SLC5A11: variants seen among roughly 807,000 people sequenced by gnomAD.
SLC5A11 encodes the protein solute carrier family 5 member 11.
A neutral mutation model predicts 69.8 loss-of-function variants in SLC5A11; 48 were observed. That is an observed-to-expected ratio of 0.69 (90% CI 0.55 to 0.87). The LOEUF (loss-of-function observed/expected upper bound fraction) is 0.87, where lower values mean the gene tolerates loss of function less well. Ranked by LOEUF, SLC5A11 falls within the 40% of genes least tolerant of loss-of-function variation. The probability of loss-of-function intolerance (pLI) is 0.00; values close to 1 mark genes in which losing one functional copy is unlikely to be tolerated. For missense variants in SLC5A11, 784 were observed against 866.1 expected (o/e 0.91, Z 1.19); for synonymous variants, 319 against 342.4 (o/e 0.93, Z 0.75).
At chr16:24,901,958 GCACACACACACACACA>G (rs56126191) in intron 10 of SLC5A11, among the ~76,000 whole-genome samples, 56 of 136,642 alleles carry the variant, frequency 4.1e-4, no homozygotes, top group South Asian at 1.8e-3. Flanking sequence ...ACACACACAC[GCACACACACACACACA>G]CACACACATA....
In SLC5A11 at chr16:24,881,351, A is replaced by G. The variant is rs899085171; in HGVS notation, c.584-2700A>G. Among the ~76,000 whole-genome samples the G allele has an allele frequency of 2.6e-5, 4 of 151,918 alleles. No homozygotes were observed. The East Asian group carries it at 5.8e-4, about 22-fold the overall frequency. On this transcript the variant is annotated intron_variant, in intron 7 of 15. Coordinates refer to ENST00000347898, the Ensembl canonical transcript of SLC5A11. ...GCCCAGGCTGGAGTGCAATGGTGCA[A>G]TCTTGGCACACTGCAACCTCCATCT...
exon 14 of SLC5A11, chr16:24,909,082 C>T (rs376258271): frequency 1.2e-6 from 2 of 1,614,114 alleles, no homozygotes; most frequent in Non-Finnish European, 1.7e-6. Flanking sequence ...CACAGAGCCA[C>T]CCTCCAAGGA....
chr16:24,880,769 G>C (rs1045426939), intron 7 of SLC5A11, among the ~76,000 whole-genome samples: 6 of 152,086 alleles, frequency 3.9e-5, no homozygotes, highest in Admixed American at 2.6e-4. Context: ...AACACGCGGG[G>C]ATTACAATTC....
intron 1 of SLC5A11, among the ~76,000 whole-genome samples, chr16:24,855,075 C>T: frequency 6.6e-6 from 1 of 152,130 alleles, no homozygotes; most frequent in Non-Finnish European, 1.5e-5. Context: ...AGTGATCCTC[C>T]TGCCTCAGCC....
chr16:24,850,495 C>T (rs2059254132), intron 1 of SLC5A11, among the ~76,000 whole-genome samples: 1 of 152,250 alleles, frequency 6.6e-6, no homozygotes, highest in African/African-American at 2.4e-5. Context: ...GTCAGCGCCA[C>T]TGCAGCCCAG....
At chr16:24,847,094 A>G (rs924429264) in intron 1 of SLC5A11, among the ~76,000 whole-genome samples, 1 of 152,038 alleles carries the variant, frequency 6.6e-6, no homozygotes, top group African/African-American at 2.4e-5. Context: ...CTCAGCCACA[A>G]TATCAGTGAT....
intron 3 of SLC5A11, among the ~76,000 whole-genome samples, chr16:24,863,093 G>GATATTTATAAATC (rs202055337): frequency 0.15 from 20,681 of 141,956 alleles, 1,964 homozygotes; most frequent in Non-Finnish European, 0.21. Context: ...ATATATAATA[G>GATATTTATAAATC]ATATATATTA....
At chr16:24,861,161 G>A (rs2059755359) in intron 2 of SLC5A11, among the ~76,000 whole-genome samples, 1 of 151,732 alleles carries the variant, frequency 6.6e-6, no homozygotes, top group Non-Finnish European at 1.5e-5. Flanking sequence ...ATTTCCAGGA[G>A]CTCTTTTTGT....
At chr16:24,851,112 A>C (rs115701119) in intron 1 of SLC5A11, among the ~76,000 whole-genome samples, 5 of 151,340 alleles carry the variant, frequency 3.3e-5, no homozygotes, top group Non-Finnish European at 7.4e-5. Flanking sequence ...CACCCGGCCT[A>C]GTTTATGCTC....
At chr16:24,906,139 G>A (rs35471159) in intron 10 of SLC5A11, among the ~76,000 whole-genome samples, 72,738 of 151,728 alleles carry the variant, frequency 0.48, 18,061 homozygotes, top group Non-Finnish European at 0.53. Context: ...TCAGGAGTTC[G>A]AGACCAGCCT....
At chr16:24,889,619 C>G (rs2048640348) in intron 8 of SLC5A11, among the ~76,000 whole-genome samples, 1 of 119,624 alleles carries the variant, frequency 8.4e-6, no homozygotes, top group Non-Finnish European at 1.6e-5. Context: ...GTGGCGCAAT[C>G]TTGCCTCACT....
intron 7 of SLC5A11, among the ~76,000 whole-genome samples, chr16:24,881,917 T>C (rs981573662): frequency 5.3e-5 from 8 of 152,142 alleles, no homozygotes; most frequent in Admixed American, 1.3e-4. Flanking sequence ...CTTACATTTG[T>C]TCTAAGTGCC....
intron 3 of SLC5A11, among the ~76,000 whole-genome samples, chr16:24,868,372 C>T (rs192441): frequency 1.3e-5 from 2 of 149,960 alleles, no homozygotes; most frequent in Admixed American, 1.3e-4. Flanking sequence ...GGGCAGATCA[C>T]GAGGTCAGGA....
At chr16:24,859,773 G>C (rs966306681) in intron 2 of SLC5A11, among the ~76,000 whole-genome samples, 1 of 152,120 alleles carries the variant, frequency 6.6e-6, no homozygotes, top group Non-Finnish European at 1.5e-5. Flanking sequence ...TTAGATGATT[G>C]TGTTGTAATT....
intron 10 of SLC5A11, among the ~76,000 whole-genome samples, chr16:24,903,603 T>G (rs868103521): frequency 6.6e-6 from 1 of 152,252 alleles, no homozygotes; most frequent in African/African-American, 2.4e-5. Flanking sequence ...TATGCAGTAT[T>G]TATCTTTCTG....
intron 3 of SLC5A11, among the ~76,000 whole-genome samples, chr16:24,867,635 A>G (rs274108): frequency 0.59 from 89,623 of 151,890 alleles, 27,329 homozygotes; most frequent in African/African-American, 0.74. Flanking sequence ...ATTAAGAAAA[A>G]CAAGACAGAA....
chr16:24,889,077 G>A lies in SLC5A11; in HGVS notation c.665-1792G>A, dbSNP rs376585270. ...CTCCCAAAGTGCTGGGATTACAGGCGTGAGCCACCTGGCCCGGCCCAATAT... is the reference window on the plus strand; with the variant it reads ...CTCCCAAAGTGCTGGGATTACAGGCATGAGCCACCTGGCCCGGCCCAATAT... On this transcript the variant is annotated intron_variant, in intron 8 of 15. Transcript: ENST00000347898. 6.6e-5 allele frequency among the ~76,000 whole-genome samples: 10 copies of A among 152,186 alleles called. No homozygotes were observed. The East Asian group carries it at 1.3e-3, about 21-fold the overall frequency.
intron 3 of SLC5A11, among the ~76,000 whole-genome samples, chr16:24,864,613 G>A (rs1257636907): frequency 6.6e-6 from 1 of 152,100 alleles, no homozygotes; most frequent in Non-Finnish European, 1.5e-5. Flanking sequence ...AGAAAGTATG[G>A]TCCATACACA....
intron 8 of SLC5A11, 145 bp downstream of exon 9, chr16:24,884,276 C>T: frequency 1.4e-6 from 1 of 702,814 alleles, no homozygotes; most frequent in Non-Finnish European, 2.4e-6. Context: ...TTGCTTGAGG[C>T]ACGGTTATTT....
Sources: allele counts gnomAD v4.1 joint callset (sites outside exome capture counted in the v4.1 genomes callset), GRCh38; gene constraint gnomAD v4.1.1; transcripts MANE v1.5; gene names NCBI Gene and HGNC (gene_info 2026-07-23, HGNC 2026-07-21).